Variants in MAST2 observed in about 807,000 individuals in gnomAD.
MAST2 encodes the protein microtubule-associated serine/threonine-protein kinase 2.
A neutral mutation model predicts 147.4 loss-of-function variants in MAST2; 70 were observed. The observed-to-expected ratio is 0.47, with a 90% CI of 0.39 to 0.58. The LOEUF (loss-of-function observed/expected upper bound fraction) is 0.58, where lower values mean the gene tolerates loss of function less well. Ranked by LOEUF, MAST2 falls within the 20% of genes least tolerant of loss-of-function variation. The pLI is 0.00. For synonymous variants in MAST2, 869 were observed against 896.8 expected, an observed-to-expected ratio of 0.97 and a Z score of 0.55; for missense variants, 2,080 against 2,302.3, an observed-to-expected ratio of 0.90 and a Z score of 1.98.
chr1:45,991,876 GGTTTT>G (rs1309765396), intron 5 of MAST2, among the ~76,000 whole-genome samples: 1 of 151,764 alleles, frequency 6.6e-6, no homozygotes, highest in Non-Finnish European at 1.5e-5. Context: ...TTGCCTTTTT[GGTTTT>G]GTTTTGCTTT....
At chr1:46,020,358 A>C (rs1646134525) in intron 11 of MAST2, among the ~76,000 whole-genome samples, 1 of 152,098 alleles carries the variant, frequency 6.6e-6, no homozygotes, top group Non-Finnish European at 1.5e-5. Flanking sequence ...AGTGGGGCAC[A>C]GGGTGGGTTT....
chr1:45,963,420 G>T lies in MAST2; in HGVS notation c.592+3943G>T, dbSNP rs530173419. 2.6e-5 allele frequency among the ~76,000 whole-genome samples: 4 copies of T among 152,264 alleles called. No homozygotes were observed. The South Asian group carries it at 8.3e-4, about 32-fold the overall frequency. ...GCATGGAATGTTTTTCCATTTGTTT[G>T]TGTCCTCTTTTATTTCATTGAGCAG... On this transcript the variant is annotated intron_variant, in intron 5 of 28. Transcript: ENST00000361297.
At chr1:46,016,800 T>C (rs927112718) in intron 10 of MAST2, among the ~76,000 whole-genome samples, 4 of 152,212 alleles carry the variant, frequency 2.6e-5, no homozygotes, top group African/African-American at 9.6e-5. Context: ...CCAATGACTT[T>C]CTTCACAGAA....
chr1:46,031,523 G>T lies in MAST2; in HGVS notation c.3125G>T (p.Arg1042Leu). ...GACTCAACAGAGAAGCGCACTGCTC[G>T]CCCTGTCAACAAAGTGATCAAGTCC... Reference protein sequence around the residue: ...SGDSTEKRTARPVNKVIKSAS... With the variant: ...SGDSTEKRTALPVNKVIKSAS... Residue 1042 changes from arginine to leucine, a missense_variant, in exon 24 of 29, where the codon CGC becomes CTC. Around this residue, in one of 4 missense-constraint regions of MAST2, gnomAD observed 1,278 missense variants for 1,304.2 expected, o/e 0.98. Coordinates refer to ENST00000361297, the MANE Select transcript of MAST2 (RefSeq NM_015112.3). This position sits in a 1 kb window ranked among gnomAD's most constrained non-coding sequence, Gnocchi z 4.1. The T allele has an allele frequency of 6.2e-7, 1 of 1,614,154 alleles. No homozygotes were observed. Among genetic ancestry groups the T allele is most frequent in the Non-Finnish European group, 8.5e-7 (1 of 1,180,010 alleles).
chr1:45,978,534 A>G (rs1644267354), intron 5 of MAST2, among the ~76,000 whole-genome samples: 1 of 152,170 alleles, frequency 6.6e-6, no homozygotes, highest in African/African-American at 2.4e-5. Flanking sequence ...AAGAAAGAAA[A>G]TGCAAAATAA....
intron 4 of MAST2, among the ~76,000 whole-genome samples, chr1:45,920,770 T>G (rs982714181): frequency 2.6e-5 from 4 of 152,224 alleles, no homozygotes; most frequent in Non-Finnish European, 5.9e-5. Flanking sequence ...ATTTACTATG[T>G]CTTAACATTT....
At chr1:45,904,937 A>G (rs1393880489) in intron 4 of MAST2, among the ~76,000 whole-genome samples, 2 of 151,916 alleles carry the variant, frequency 1.3e-5, no homozygotes, top group Non-Finnish European at 2.9e-5. Flanking sequence ...ACTCTCAAGT[A>G]GCTGGGACCA....
intron 4 of MAST2, among the ~76,000 whole-genome samples, chr1:45,917,838 A>G (rs1190530533): frequency 6.6e-6 from 1 of 152,150 alleles, no homozygotes; most frequent in Admixed American, 6.5e-5. Flanking sequence ...AACTCTTAGG[A>G]GGTAAAAAAG....
At chr1:45,880,551 G>T (rs1423219804) in intron 3 of MAST2, among the ~76,000 whole-genome samples, 3 of 152,122 alleles carry the variant, frequency 2.0e-5, no homozygotes, top group Non-Finnish European at 4.4e-5. Context: ...AGTAATTTAA[G>T]ATTTGTACAG....
At chr1:45,939,295 C>T (rs1277408713) in intron 4 of MAST2, among the ~76,000 whole-genome samples, 1 of 152,124 alleles carries the variant, frequency 6.6e-6, no homozygotes, top group African/African-American at 2.4e-5. Context: ...CCTCTTGACA[C>T]CTTTGTTGAA....
chr1:46,035,177 C>T lies in MAST2; in HGVS notation c.4508C>T (p.Ser1503Phe). 1 of 1,613,926 alleles carries T rather than the reference C, an allele frequency of 6.2e-7. No individual in the cohort carries two copies. The highest frequency in any genetic ancestry group is 8.5e-7 in the Non-Finnish European group (1 of 1,180,002). Residue 1503 changes from serine to phenylalanine, a missense_variant, in exon 29 of 29, where the codon TCC (serine) becomes TTC (phenylalanine). This residue lies in a region of MAST2 where 1,278 missense variants were observed against 1,304.2 expected (regional missense o/e 0.98). Transcript: ENST00000361297. This position sits in a 1 kb window ranked among gnomAD's most constrained non-coding sequence, Gnocchi z 5.5. ...QKQEAIREVD[S>F]SEDDTEEGPE... ...CAAGAAGCCATTCGTGAGGTGGACT[C>T]CTCAGAGGACGACACCGAGGAAGGG...
At chr1:45,860,810 C>T (rs1218447831) in intron 3 of MAST2, among the ~76,000 whole-genome samples, 3 of 151,706 alleles carry the variant, frequency 2.0e-5, no homozygotes, top group Non-Finnish European at 4.4e-5. Context: ...GCAGCCTGGG[C>T]GACAAGAGCG....
chr1:45,974,148 A>G (rs911729954), intron 5 of MAST2, among the ~76,000 whole-genome samples: 1 of 152,220 alleles, frequency 6.6e-6, no homozygotes, highest in Non-Finnish European at 1.5e-5. Context: ...GTGTCCTTCT[A>G]TAGTTGAGAG....
chr1:46,009,379 C>T (rs575196710), intron 9 of MAST2, among the ~76,000 whole-genome samples: 32 of 152,286 alleles, frequency 2.1e-4, no homozygotes, highest in African/African-American at 7.7e-4. Context: ...TCCTTTTCAA[C>T]ACCACATGCC....
chr1:45,872,871 TTAGTATGTA>T (rs1293863439), intron 3 of MAST2, among the ~76,000 whole-genome samples: 3 of 152,204 alleles, frequency 2.0e-5, no homozygotes, highest in Admixed American at 6.5e-5. Flanking sequence ...TCTCTAGGAT[TTAGTATGTA>T]TAACTTTCTT....
At chr1:45,841,960 C>G (rs1645289802) in intron 3 of MAST2, among the ~76,000 whole-genome samples, 1 of 152,166 alleles carries the variant, frequency 6.6e-6, no homozygotes, top group Non-Finnish European at 1.5e-5. Context: ...ATTCTAGTTA[C>G]TTATAAATTT....
intron 4 of MAST2, among the ~76,000 whole-genome samples, chr1:45,913,166 T>C (rs72692603): frequency 0.19 from 29,407 of 152,172 alleles, 3,449 homozygotes; most frequent in Non-Finnish European, 0.26. Flanking sequence ...GAGTACAGTT[T>C]AGTTAAGTTG....
chr1:46,031,517 C>T lies in MAST2; in HGVS notation c.3119C>T (p.Thr1040Ile). 2 of 1,614,192 alleles carry T rather than the reference C, an allele frequency of 1.2e-6. No homozygotes were observed. The highest frequency in any genetic ancestry group is 1.1e-5 in the South Asian group (1 of 91,088). Reference protein sequence around the residue: ...LLSGDSTEKRTARPVNKVIKS... With the variant: ...LLSGDSTEKRIARPVNKVIKS... ...TCTGGGGACTCAACAGAGAAGCGCACTGCTCGCCCTGTCAACAAAGTGATC... is the reference window on the plus strand; with the variant it reads ...TCTGGGGACTCAACAGAGAAGCGCATTGCTCGCCCTGTCAACAAAGTGATC... Residue 1040 changes from threonine (T) to isoleucine (I), a missense_variant, in exon 24 of 29, where the codon ACT (threonine) becomes ATT (isoleucine). By Grantham distance (89) the Thr-to-Ile change is moderately conservative. This residue lies in a region of MAST2 where 1,278 missense variants were observed against 1,304.2 expected (regional missense o/e 0.98). Coordinates refer to ENST00000361297, the MANE Select transcript of MAST2 (RefSeq NM_015112.3). This position sits in a 1 kb window ranked among gnomAD's most constrained non-coding sequence, Gnocchi z 4.1.
chr1:45,997,519 T>C (rs1274111994), intron 5 of MAST2, among the ~76,000 whole-genome samples: 1 of 152,132 alleles, frequency 6.6e-6, no homozygotes, highest in Non-Finnish European at 1.5e-5. Flanking sequence ...CTGAGAGACA[T>C]GGGTTGTTAC....
Sources: gnomAD v4.1 joint callset for allele counts (sites outside exome capture counted in the v4.1 genomes callset) on GRCh38, gnomAD v4.1.1 for gene constraint, gnomAD v4.1.1 regional missense constraint, Gnocchi (gnomAD v3.1) non-coding constraint, MANE v1.5 for transcripts, NCBI Gene and HGNC (gene_info 2026-07-23, HGNC 2026-07-21) for gene names.